Variants in TMTC2 observed in about 807,000 individuals in gnomAD.
The protein encoded by TMTC2 is transmembrane O-mannosyltransferase targeting cadherins 2.
In TMTC2, 43 loss-of-function variants were observed where a neutral mutation model predicts 82.4. The observed-to-expected ratio is 0.52, with a 90% CI of 0.41 to 0.67. The LOEUF is 0.67. TMTC2 is among the 30% of genes least tolerant of loss of function. TMTC2 has a pLI of 0.00. For synonymous variants in TMTC2, 408 were observed against 381.9 expected, an observed-to-expected ratio of 1.07 and a Z score of -0.80; for missense variants, 919 against 1,012.4, an observed-to-expected ratio of 0.91 and a Z score of 1.25.
chr12:83,063,968 A>G (rs886719668), intron 11 of TMTC2, among the ~76,000 whole-genome samples: 1 of 151,210 alleles, frequency 6.6e-6, no homozygotes, highest in African/African-American at 2.4e-5. Context: ...TTTCTAGGAA[A>G]AGGGTTGAAT....
intron 1 of TMTC2, among the ~76,000 whole-genome samples, chr12:82,785,946 T>C (rs1878158843): frequency 6.6e-6 from 1 of 152,160 alleles, no homozygotes; most frequent in Non-Finnish European, 1.5e-5. Flanking sequence ...GTGGCAAGAC[T>C]ACTTTGTTTT....
intron 8 of TMTC2, among the ~76,000 whole-genome samples, chr12:82,994,113 T>C (rs1007401014): frequency 3.9e-5 from 6 of 152,194 alleles, no homozygotes; most frequent in Non-Finnish European, 7.4e-5. Context: ...AGCCCATTTG[T>C]AATTTTTTAT....
intron 4 of TMTC2, among the ~76,000 whole-genome samples, chr12:82,943,320 A>G (rs973996582): frequency 2.0e-5 from 3 of 152,214 alleles, no homozygotes; most frequent in African/African-American, 7.2e-5. Context: ...GCCTGATGCT[A>G]TGAAACCTCT....
In TMTC2 at chr12:82,688,503, TA is replaced by T. The variant is rs1427067820; in HGVS notation, c.83+837del. ...TGTGTTGGTGTCTCTTCCTATCTTT[TA>T]AACGTTATTAGTGTTCAGAAAGTGA... On this transcript the variant is annotated intron_variant, in intron 1 of 11. Coordinates refer to ENST00000321196, the MANE Select transcript of TMTC2 (RefSeq NM_152588.3). 3.3e-5 allele frequency among the ~76,000 whole-genome samples: 5 copies of T among 152,210 alleles called. No individual in the cohort carries two copies. The East Asian group carries it at 9.6e-4, about 29-fold the overall frequency.
At chr12:83,061,257 A>G (rs1882728814) in intron 10 of TMTC2, among the ~76,000 whole-genome samples, 1 of 151,744 alleles carries the variant, frequency 6.6e-6, no homozygotes, top group African/African-American at 2.4e-5. Context: ...CATAATCTGG[A>G]CTTTTTATTT....
intron 1 of TMTC2, among the ~76,000 whole-genome samples, chr12:82,732,903 A>G (rs1874901058): frequency 6.6e-6 from 1 of 152,170 alleles, no homozygotes; most frequent in Non-Finnish European, 1.5e-5. Context: ...CCTTAAAAGG[A>G]CCTTGTTGTA....
chr12:83,061,185 C>T (rs1882726203), intron 10 of TMTC2, among the ~76,000 whole-genome samples: 2 of 151,772 alleles, frequency 1.3e-5, no homozygotes, highest in Non-Finnish European at 2.9e-5. Flanking sequence ...GTAACGAGAA[C>T]ATCCATTTAG....
chr12:82,939,381 G>T lies in TMTC2; in HGVS notation c.1598+8836G>T, dbSNP rs562418649. On this transcript the variant is annotated intron_variant, in intron 4 of 11. Transcript: ENST00000321196. ...TTTCTATATAGAAAAAAATCCCTAA[G>T]TTCTCTAATTTAAGCCCTCTGTATT... Among the ~76,000 whole-genome samples the T allele has an allele frequency of 1.2e-4, 19 of 152,020 alleles. No homozygotes were observed. The East Asian group carries it at 3.5e-3, about 28-fold the overall frequency.
chr12:83,130,706 A>G (rs955375419), intron 11 of TMTC2, among the ~76,000 whole-genome samples: 1 of 152,194 alleles, frequency 6.6e-6, no homozygotes, highest in African/African-American at 2.4e-5. Flanking sequence ...GCAAAATGAG[A>G]TAAGGAAAAT....
chr12:82,977,367 GAGTGATAT>G (rs1878719876), intron 7 of TMTC2, among the ~76,000 whole-genome samples: 1 of 151,760 alleles, frequency 6.6e-6, no homozygotes, highest in South Asian at 2.1e-4. Context: ...GAAGTGATTA[GAGTGATAT>G]TGTACCCATG....
At chr12:82,968,343 A>C (rs549443791) in intron 7 of TMTC2, among the ~76,000 whole-genome samples, 14 of 152,270 alleles carry the variant, frequency 9.2e-5, no homozygotes, top group Non-Finnish European at 1.8e-4. Flanking sequence ...TTTCACCATC[A>C]ATCTGTCTAT....
chr12:82,911,218 G>T (rs563573307), intron 3 of TMTC2, among the ~76,000 whole-genome samples: 100 of 152,190 alleles, frequency 6.6e-4, no homozygotes, highest in African/African-American at 2.2e-3. Flanking sequence ...TGGGTGTGGG[G>T]GGGCCAGGGT....
chr12:82,840,153 C>T, intron 1 of TMTC2, among the ~76,000 whole-genome samples: 1 of 152,156 alleles, frequency 6.6e-6, no homozygotes, highest in East Asian at 1.9e-4. Context: ...TTGTGAAGCC[C>T]CTACTGTGCG....
At chr12:82,864,712 A>G (rs1262725033) in intron 2 of TMTC2, among the ~76,000 whole-genome samples, 2 of 151,464 alleles carry the variant, frequency 1.3e-5, no homozygotes, top group East Asian at 4.0e-4. Flanking sequence ...CATGTTGGCC[A>G]GGATGGTCTT....
At chr12:82,919,740 A>C (rs1446848576) in intron 3 of TMTC2, among the ~76,000 whole-genome samples, 4 of 152,228 alleles carry the variant, frequency 2.6e-5, no homozygotes, top group Non-Finnish European at 5.9e-5. Context: ...TAGGGAAAAC[A>C]ATACGAAGTC....
At chr12:82,828,326 G>A (rs1044393913) in intron 1 of TMTC2, among the ~76,000 whole-genome samples, 1 of 146,186 alleles carries the variant, frequency 6.8e-6, no homozygotes, top group East Asian at 2.0e-4. Flanking sequence ...CAATTATCCT[G>A]CCTCATCCTT....
At chr12:82,744,624 A>G (rs1481537855) in intron 1 of TMTC2, among the ~76,000 whole-genome samples, 1 of 149,032 alleles carries the variant, frequency 6.7e-6, no homozygotes, top group Non-Finnish European at 1.5e-5. Context: ...GTGGACAGGG[A>G]CACATCTGCC....
chr12:82,738,613 T>C (rs1473237639), intron 1 of TMTC2, among the ~76,000 whole-genome samples: 3 of 152,168 alleles, frequency 2.0e-5, no homozygotes, highest in Non-Finnish European at 4.4e-5. Context: ...CTCCTCTGAA[T>C]CACTTGGAAT....
At chr12:82,928,623 G>A (rs1043334775) in intron 3 of TMTC2, among the ~76,000 whole-genome samples, 1 of 152,154 alleles carries the variant, frequency 6.6e-6, no homozygotes, top group African/African-American at 2.4e-5. Context: ...TAGGCAGAGG[G>A]GAGAAAAAGT....
Sources: gnomAD v4.1 joint callset for allele counts (sites outside exome capture counted in the v4.1 genomes callset) on GRCh38, gnomAD v4.1.1 for gene constraint, MANE v1.5 for transcripts, NCBI Gene and HGNC (gene_info 2026-07-23, HGNC 2026-07-21) for gene names.